Variants in FLYWCH1 observed in about 807,000 individuals in gnomAD.
FLYWCH1 encodes FLYWCH-type zinc finger 1, also known as FLYWCH-type zinc finger-containing protein 1.
A neutral mutation model predicts 66.4 loss-of-function variants in FLYWCH1; 75 were observed. The observed-to-expected ratio is 1.13, with a 90% CI of 0.94 to 1.37. The LOEUF (loss-of-function observed/expected upper bound fraction) is 1.37. FLYWCH1 is among the 40% of genes most tolerant of loss of function. The probability of loss-of-function intolerance (pLI) is 0.00; values close to 1 mark genes in which losing one functional copy is unlikely to be tolerated. For missense variants in FLYWCH1, 1,334 were observed against 1,001.8 expected (o/e 1.33, Z -4.48); for synonymous variants, 595 against 429.9 (o/e 1.38, Z -4.75).
At chr16:2,934,699 G>C (rs1302419000) in intron 6 of FLYWCH1, 10 of 455,400 alleles carry the variant, frequency 2.2e-5, no homozygotes, top group Non-Finnish European at 2.2e-5. Context: ...AAGTTCTCTC[G>C]GACTTGAGAG....
chr16:2,947,687 G>C (rs935394968), intron 9 of FLYWCH1, among the ~76,000 whole-genome samples: 1 of 151,548 alleles, frequency 6.6e-6, no homozygotes, highest in African/African-American at 2.4e-5. Flanking sequence ...GCTTGAACCT[G>C]GGAGGTAGAG....
Position 2,920,691 on chromosome 16 carries a change from G to A in FLYWCH1, c.-74+6402G>A, listed in dbSNP as rs975300952. On this transcript the variant is annotated intron_variant, in intron 2 of 9. Coordinates refer to ENST00000253928, the MANE Select transcript of FLYWCH1 (RefSeq NM_001308068.2). ...CGAGTAGCTGGGATTGCAGGCATAT[G>A]CCACCATGCCTGGCTATTTTTGTAT... is the stretch of plus-strand genomic sequence containing the variant. 2.0e-5 allele frequency among the ~76,000 whole-genome samples: 3 copies of A among 151,732 alleles called. No individual in the cohort carries two copies. In the East Asian group the frequency reaches 5.8e-4, roughly 29 times the overall value.
chr16:2,926,334 G>C (rs917259494), intron 2 of FLYWCH1, among the ~76,000 whole-genome samples: 4 of 152,196 alleles, frequency 2.6e-5, no homozygotes, highest in African/African-American at 7.2e-5. Context: ...GAATGATTGG[G>C]CCATTATTAA....
chr16:2,940,615 C>T (rs1158634344), intron 9 of FLYWCH1, among the ~76,000 whole-genome samples: 2 of 152,040 alleles, frequency 1.3e-5, no homozygotes, highest in African/African-American at 4.8e-5. Flanking sequence ...TTTGTATTTG[C>T]AGTAGAGATA....
chr16:2,938,296 G>T lies in FLYWCH1; in HGVS notation c.1890G>T (p.Met630Ile), dbSNP rs776875142. The T allele has an allele frequency of 9.3e-6, 15 of 1,611,980 alleles. No homozygotes were observed. Among genetic ancestry groups the T allele is most frequent in the Non-Finnish European group, 1.3e-5 (15 of 1,179,064 alleles). Reference protein sequence around the residue: ...EKAAGEKVYWMCRDQARLGCR... With the variant: ...EKAAGEKVYWICRDQARLGCR... ...CGGCTGGGGAGAAGGTGTACTGGAT[G>T]TGCCGGGACCAGGCTCGGCTGGGCT... Residue 630 changes from methionine (M) to isoleucine (I), a missense_variant, in exon 8 of 10, where the codon ATG becomes ATT. Physicochemically the swap from Met to Ile is conservative, Grantham distance 10. Coordinates refer to ENST00000253928, the MANE Select transcript of FLYWCH1 (RefSeq NM_001308068.2).
In FLYWCH1 at chr16:2,933,474, C is replaced by T. The variant is rs374136262; in HGVS notation, c.1141C>T (p.Leu381=). 2.5e-6 allele frequency: 4 copies of T among 1,604,976 alleles called. No individual in the cohort carries two copies. Among genetic ancestry groups the T allele is most frequent in the East Asian group, 2.2e-5 (1 of 44,470 alleles). ...SLLYRRGPGP[L]TLTRPRPRKR... The stretch of plus-strand genomic sequence containing the variant: ...GCTCTACCGCAGGGGTCCGGGTCCC[C>T]TGACTCTCACCAGGCCTCGGCCCAG... The change falls in exon 5 of 10, where the codon CTG becomes TTG. Residue 381 remains leucine, a synonymous_variant. Coordinates refer to ENST00000253928, the MANE Select transcript of FLYWCH1 (RefSeq NM_001308068.2).
chr16:2,933,341 G>T lies in FLYWCH1; in HGVS notation c.1008G>T (p.Glu336Asp), dbSNP rs536353331. 5 of 1,607,398 alleles carry T rather than the reference G, an allele frequency of 3.1e-6. No individual in the cohort carries two copies. The stretch of plus-strand genomic sequence containing the variant: ...GGCACTGCCACCAGCCCGATATGGA[G>T]GGCCTGGAAGCCCGGCGGCAGCAGG... ...MRGHCHQPDMEGLEARRQQEK... is the reference protein window; with the variant it reads ...MRGHCHQPDMDGLEARRQQEK... Residue 336 changes from glutamate (E) to aspartate (D), a missense_variant, in exon 5 of 10, where the codon GAG becomes GAT. Glu to Asp is a conservative substitution (Grantham distance 45). Transcript: ENST00000253928.
chr16:2,933,183 G>A lies in FLYWCH1; in HGVS notation c.850G>A (p.Val284Ile), dbSNP rs772616446. The A allele has an allele frequency of 6.2e-7, 1 of 1,613,748 alleles. No homozygotes were observed. Among genetic ancestry groups the A allele is most frequent in the Non-Finnish European group, 8.5e-7 (1 of 1,179,854 alleles). Reference sequence around the variant, plus strand: ...GACGTGCTACGGGGGCAGCTTCCTGGTACACGAGTCGTTCCTCTACAAGCG... The same window carrying A: ...GACGTGCTACGGGGGCAGCTTCCTGATACACGAGTCGTTCCTCTACAAGCG... ...LRTCYGGSFLVHESFLYKREK... is the reference protein window; with the variant it reads ...LRTCYGGSFLIHESFLYKREK... Residue 284 changes from valine to isoleucine, a missense_variant, in exon 5 of 10, where the codon GTA (valine) becomes ATA (isoleucine). By Grantham distance (29) the Val-to-Ile change is conservative. Coordinates refer to ENST00000253928, the MANE Select transcript of FLYWCH1 (RefSeq NM_001308068.2).
chr16:2,937,539 G>C (rs890683717), intron 7 of FLYWCH1, among the ~76,000 whole-genome samples, 155 bp downstream of exon 7: 2 of 152,188 alleles, frequency 1.3e-5, no homozygotes, highest in South Asian at 2.1e-4. Flanking sequence ...CTCCATCTGC[G>C]GGCTCCGAGC....
intron 2 of FLYWCH1, among the ~76,000 whole-genome samples, chr16:2,920,245 T>C (rs536079747): frequency 1.3e-5 from 2 of 152,186 alleles, no homozygotes; most frequent in African/African-American, 2.4e-5. Flanking sequence ...TTCTGATGTT[T>C]AGTAGAGCAC....
At chr16:2,920,498 T>C (rs1277929899) in intron 2 of FLYWCH1, among the ~76,000 whole-genome samples, 2 of 146,736 alleles carry the variant, frequency 1.4e-5, no homozygotes, top group Admixed American at 1.4e-4. Flanking sequence ...TGGGTGGCCG[T>C]GAGACTCTGT....
At chr16:2,921,017 GT>G (rs529346442) in intron 2 of FLYWCH1, among the ~76,000 whole-genome samples, 126 of 151,180 alleles carry the variant, frequency 8.3e-4, no homozygotes, top group African/African-American at 2.8e-3. Flanking sequence ...AATTTTTTGT[GT>G]TTTTAGTAGA....
chr16:2,936,825 C>T (rs1367130030), intron 6 of FLYWCH1: 2 of 594,210 alleles, frequency 3.4e-6, no homozygotes, highest in South Asian at 3.1e-5. Context: ...TGGGCGGGTG[C>T]TGGGGACGGA....
intron 5 of FLYWCH1, 67 bp downstream of exon 5, chr16:2,933,649 G>A (rs2070868357): frequency 1.3e-6 from 2 of 1,565,052 alleles, no homozygotes; most frequent in Non-Finnish European, 8.7e-7. Flanking sequence ...TCCAGGGAGG[G>A]AAGGGGGTGC....
At chr16:2,922,941 G>A (rs890013583) in intron 2 of FLYWCH1, 7 of 523,872 alleles carry the variant, frequency 1.3e-5, no homozygotes, top group East Asian at 1.1e-4. Context: ...GCGCTCTTCC[G>A]AGGATATTTG....
intron 8 of FLYWCH1, among the ~76,000 whole-genome samples, 151 bp downstream of exon 8, chr16:2,938,607 GTTTTTTTTTTTT>G (rs35169451): frequency 3.1e-5 from 4 of 129,192 alleles, no homozygotes; most frequent in South Asian, 2.4e-4. Flanking sequence ...ACCAGTCTTT[GTTTTTTTTTTTT>G]TTTTTTTTTT....
intron 8 of FLYWCH1, among the ~76,000 whole-genome samples, chr16:2,938,761 T>C (rs2150991799): frequency 6.8e-6 from 1 of 147,836 alleles, no homozygotes; most frequent in East Asian, 2.0e-4. Flanking sequence ...TACAGGTGCC[T>C]GCCACCAAGC....
chr16:2,914,875 C>G (rs569297105), intron 2 of FLYWCH1, among the ~76,000 whole-genome samples: 1 of 146,822 alleles, frequency 6.8e-6, no homozygotes, highest in South Asian at 2.1e-4. Context: ...AGCCACTGCA[C>G]TCCAGCCTGG....
At position 2,943,110 on chromosome 16, in the gene FLYWCH1, C is replaced by G. The variant is rs142187953; in HGVS notation, c.2111+3018C>G. On this transcript the variant is annotated intron_variant, in intron 9 of 9. Coordinates refer to ENST00000253928, the MANE Select transcript of FLYWCH1 (RefSeq NM_001308068.2). The stretch of plus-strand genomic sequence containing the variant: ...CAAATCATGTGATATTTGCTGAACA[C>G]TTGCTTTTCTTCTGAGCCTGGCATT... Among the ~76,000 whole-genome samples, 9 of 152,248 alleles carry G rather than the reference C, an allele frequency of 5.9e-5. No homozygotes were observed. In the South Asian group the frequency reaches 6.2e-4, roughly 11 times the overall value.
Sources: allele counts gnomAD v4.1 joint callset (sites outside exome capture counted in the v4.1 genomes callset), GRCh38; gene constraint gnomAD v4.1.1; transcripts MANE v1.5; gene names NCBI Gene and HGNC (gene_info 2026-07-23, HGNC 2026-07-21).